ELOA: variants seen among roughly 807,000 people sequenced by gnomAD.
ELOA encodes elongin-A.
Under a neutral mutation model 85.2 loss-of-function variants are expected in ELOA, and 15 were observed. The ratio of observed to expected loss-of-function variants is 0.18; its 90% CI spans 0.12 to 0.27. The LOEUF (loss-of-function observed/expected upper bound fraction) is 0.27. ELOA is among the 10% of genes least tolerant of loss of function. The pLI is 1.00. For synonymous variants in ELOA, 348 were observed against 357.2 expected, an observed-to-expected ratio of 0.97 and a Z score of 0.29; for missense variants, 769 against 952.7, an observed-to-expected ratio of 0.81 and a Z score of 2.54.
Position 23,757,110 on chromosome 1 carries a change from A to G in ELOA, c.2242A>G (p.Lys748Glu). 1 of 1,567,148 alleles carries G rather than the reference A, an allele frequency of 6.4e-7. No individual in the cohort carries two copies. The highest frequency in any genetic ancestry group is 8.6e-7 in the Non-Finnish European group (1 of 1,162,736). The part of the protein sequence containing the change: ...VSSTVSYDPR[K>E]PTVKKIAPMM... ...CAGCACTGTTTCCTATGATCCTAGGAAACCCACTGTGAAGAGTAAGTAACT... is the reference window on the plus strand; with the variant it reads ...CAGCACTGTTTCCTATGATCCTAGGGAACCCACTGTGAAGAGTAAGTAACT... Residue 748 changes from lysine to glutamate, a missense_variant, in exon 10 of 11, where the codon AAA becomes GAA. Transcript: ENST00000613537.
At position 23,759,784 on chromosome 1, in the gene ELOA, G is replaced by A; in HGVS notation, c.*211G>A. ...GCACACTTTAGAATTCTGAAGATGT[G>A]AAGCCTCTGTCTCACTGAGGATTTT... On this transcript the variant is annotated 3_prime_UTR_variant, in exon 11 of 11. Transcript: ENST00000613537. 2 of 577,622 alleles carry A rather than the reference G, an allele frequency of 3.5e-6. No individual in the cohort carries two copies. Among genetic ancestry groups the A allele is most frequent in the South Asian group, 4.3e-5 (2 of 46,618 alleles). 35.8% of individuals were successfully genotyped at this position (577,622 alleles called of 1,614,324 possible).
chr1:23,755,773 C>CT, intron 7 of ELOA, 70 bp from the exon 8 acceptor site: 1 of 1,424,356 alleles, frequency 7.0e-7, no homozygotes, highest in South Asian at 1.4e-5. Context: ...GAGCAAGACT[C>CT]TGTCTCAAAA....
Position 23,761,800 on chromosome 1 carries a change from C to T in ELOA, c.*2227C>T, listed in dbSNP as rs1465835259. ...CTTGTGCAATTTTTTTTCTGTGCTA[C>T]ACTACATACAAATCACCAAATTACA... is the stretch of plus-strand genomic sequence containing the variant. On this transcript the variant is annotated 3_prime_UTR_variant, in exon 11 of 11. Coordinates refer to ENST00000613537, the MANE Select transcript of ELOA (RefSeq NM_003198.3). The T allele has an allele frequency of 6.6e-6, 1 of 152,122 alleles. No homozygotes were observed. Among genetic ancestry groups the T allele is most frequent in the Non-Finnish European group, 1.5e-5 (1 of 68,012 alleles). The allele number at this position is 152,122 out of a possible 1,614,324, so 9.4% of individuals were successfully genotyped here. A position where few individuals can be genotyped will look rare whatever the true frequency, so the allele number is the denominator to read the frequency against.
At position 23,758,247 on chromosome 1, in the gene ELOA, A is replaced by ATTTTTTTTTT. The variant is rs1338294015; in HGVS notation, c.2257+1125_2257+1126insTTTTTTTTTT. ...TCTTTATATCTAATTGGGTCTTCCA[A>ATTTTTTTTTT]TTTATTTATTTATTTTTTTTTTTTT... On this transcript the variant is annotated intron_variant, in intron 10 of 10. Transcript: ENST00000613537. Among the ~76,000 whole-genome samples, 11 of 56,784 alleles carry ATTTTTTTTTT rather than the reference A, an allele frequency of 1.9e-4. 1 individual carries two copies. The highest frequency in any genetic ancestry group is 1.4e-3 in the East Asian group (2 of 1,406). The allele number at this position is 56,784 out of a possible 152,430, so 37.3% of individuals were successfully genotyped here. A position where few individuals can be genotyped will look rare whatever the true frequency, so the allele number is the denominator to read the frequency against.
intron 5 of ELOA, among the ~76,000 whole-genome samples, chr1:23,752,994 C>G (rs573732185): frequency 2.0e-5 from 3 of 151,464 alleles, no homozygotes; most frequent in South Asian, 4.2e-4. Flanking sequence ...GATGCTGTCT[C>G]TACAAGAGAA....
At chr1:23,746,285 T>C (rs1237989240) in intron 1 of ELOA, among the ~76,000 whole-genome samples, 3 of 119,728 alleles carry the variant, frequency 2.5e-5, no homozygotes, top group African/African-American at 9.3e-5. Context: ...CGAAACTCCG[T>C]CTCAAAAAAA....
At chr1:23,752,541 TC>T (rs779660847) in intron 5 of ELOA, 23 bp downstream of exon 5, 1 of 1,601,438 alleles carries the variant, frequency 6.2e-7, no homozygotes, top group South Asian at 1.1e-5. Flanking sequence ...ATCTTCTTTT[TC>T]TTAATGGGAA....
At chr1:23,750,712 A>G in intron 3 of ELOA, 133 bp from the exon 4 acceptor site, 2 of 849,020 alleles carry the variant, frequency 2.4e-6, no homozygotes, top group Non-Finnish European at 3.5e-6. Flanking sequence ...AGCATAACCT[A>G]CTTATCTTCT....
chr1:23,745,629 T>C (rs1644742717), intron 1 of ELOA, among the ~76,000 whole-genome samples: 1 of 152,202 alleles, frequency 6.6e-6, no homozygotes, highest in African/African-American at 2.4e-5. Context: ...AGATCATTTT[T>C]GCAAAGGGCA....
chr1:23,751,483 C>T lies in ELOA; in HGVS notation c.878C>T (p.Pro293Leu), dbSNP rs1158817064. The change falls in exon 4 of 11, where the codon CCG becomes CTG. Residue 293 changes from proline (P) to leucine (L), a missense_variant. Around this residue, in one of 4 missense-constraint regions of ELOA, gnomAD observed 440 missense variants for 474.0 expected, o/e 0.93. Coordinates refer to ENST00000613537, the MANE Select transcript of ELOA (RefSeq NM_003198.3). ...TCAGGGGACAATGCAAGGGAGAAAC[C>T]GCCCTCTAGTGGCGTAAAGAAAGAG... The part of the protein sequence containing the change: ...PPSGDNAREK[P>L]PSSGVKKEKD... 35 of 1,613,924 alleles carry T rather than the reference C, an allele frequency of 2.2e-5. No individual in the cohort carries two copies. The highest frequency in any genetic ancestry group is 2.7e-5 in the African/African-American group (2 of 74,914).
chr1:23,755,823 T>A lies in ELOA; in HGVS notation c.1792-20T>A. ...TGGAAAAGTGCTTGTACACAAATGA[T>A]GTCCTGGTTCTGGTTTCAGGTATTA... On this transcript the variant is annotated intron_variant, in intron 7 of 10. Transcript: ENST00000613537. The A allele has an allele frequency of 6.4e-7, 1 of 1,569,746 alleles. No individual in the cohort carries two copies. Among genetic ancestry groups the A allele is most frequent in the East Asian group, 2.3e-5 (1 of 44,202 alleles).
Position 23,751,709 on chromosome 1 carries a change from C to A in ELOA, c.1104C>A (p.Asn368Lys), listed in dbSNP as rs745590102. The A allele has an allele frequency of 6.2e-7, 1 of 1,614,074 alleles. No homozygotes were observed. The highest frequency in any genetic ancestry group is 8.5e-7 in the Non-Finnish European group (1 of 1,180,024). ...AGGTAAAAGAGAAGGGTTCTAACAA[C>A]CTAAAGACTCCAGAAGGGAAAGTCA... The part of the protein sequence containing the change: ...LPKVKEKGSN[N>K]LKTPEGKVKT... The change falls in exon 4 of 11, where the codon AAC (asparagine) becomes AAA (lysine). Residue 368 changes from asparagine to lysine, a missense_variant. Around this residue, in one of 4 missense-constraint regions of ELOA, gnomAD observed 440 missense variants for 474.0 expected, o/e 0.93. Transcript: ENST00000613537.
At position 23,757,404 on chromosome 1, in the gene ELOA, A is replaced by G. The variant is rs2473379; in HGVS notation, c.2257+279A>G. ...GAGGATCCCTTGAATCCAGGAGTTC[A>G]AGACCAGCCTGGACAACATAATGAG... On this transcript the variant is annotated intron_variant, in intron 10 of 10. Coordinates refer to ENST00000613537, the MANE Select transcript of ELOA (RefSeq NM_003198.3). Among the ~76,000 whole-genome samples the G allele has an allele frequency of 6.9e-3, 1,050 of 152,250 alleles. 13 individuals are homozygous for G. The highest frequency in any genetic ancestry group is 0.024 in the African/African-American group (996 of 41,534).
At chr1:23,747,844 A>G (rs1644753458) in intron 1 of ELOA, among the ~76,000 whole-genome samples, 1 of 152,206 alleles carries the variant, frequency 6.6e-6, no homozygotes, top group Non-Finnish European at 1.5e-5. Flanking sequence ...AGAAAAACAG[A>G]CTTGTTACTC....
rs1278227416 is a variant in ELOA, at chr1:23,749,013, C to T, written c.76-8C>T. 1 of 1,611,248 alleles carries T rather than the reference C, an allele frequency of 6.2e-7. No individual in the cohort carries two copies. The highest frequency in any genetic ancestry group is 2.2e-5 in the East Asian group (1 of 44,786). ...TGACTATTGAAATTAATGTTTTCTT[C>T]TCTGCAGCTATTGAAATATTTGAAG... On this transcript the variant is annotated splice_polypyrimidine_tract_variant and splice_region_variant and intron_variant, in intron 1 of 10. Coordinates refer to ENST00000613537, the MANE Select transcript of ELOA (RefSeq NM_003198.3).
At chr1:23,743,728 C>T in intron 1 of ELOA, 150 bp downstream of exon 1, 1 of 1,015,928 alleles carries the variant, frequency 9.8e-7, no homozygotes, top group Non-Finnish European at 1.3e-6. Flanking sequence ...CCATTGACCG[C>T]TGCCCGCGCG....
intron 1 of ELOA, among the ~76,000 whole-genome samples, chr1:23,748,678 A>C (rs1644756973): frequency 6.6e-6 from 1 of 152,146 alleles, no homozygotes; most frequent in Admixed American, 6.6e-5. Context: ...AATTCTATCA[A>C]AACTAGGGCA....
At chr1:23,745,288 A>G (rs1212385081) in intron 1 of ELOA, among the ~76,000 whole-genome samples, 1 of 152,224 alleles carries the variant, frequency 6.6e-6, no homozygotes, top group Non-Finnish European at 1.5e-5. Context: ...TGAACACTGT[A>G]AGATCTGTGA....
chr1:23,746,309 A>C (rs1007146880), intron 1 of ELOA, among the ~76,000 whole-genome samples: 9 of 149,718 alleles, frequency 6.0e-5, no homozygotes, highest in South Asian at 4.2e-4. Flanking sequence ...AAACAAAAAA[A>C]ACACACACAC....
Sources: allele counts gnomAD v4.1 joint callset (sites outside exome capture counted in the v4.1 genomes callset), GRCh38; gene constraint gnomAD v4.1.1; regional missense constraint gnomAD v4.1.1; transcripts MANE v1.5; gene names NCBI Gene and HGNC (gene_info 2026-07-23, HGNC 2026-07-21).